KIAA0825: variants seen among roughly 807,000 people sequenced by gnomAD.
KIAA0825 encodes KIAA0825, also known as uncharacterized protein KIAA0825.
Under a neutral mutation model 147.6 loss-of-function variants are expected in KIAA0825, and 119 were observed. The observed-to-expected ratio is 0.81, with a 90% confidence interval of 0.69 to 0.94. KIAA0825 has a LOEUF of 0.94. KIAA0825 is among the 40% of genes least tolerant of loss of function. The pLI is 0.00. For missense variants in KIAA0825, 1,381 were observed against 1,472.7 expected, an observed-to-expected ratio of 0.94 and a Z score of 1.02; for synonymous variants, 470 against 518.1, an observed-to-expected ratio of 0.91 and a Z score of 1.26.
intron 20 of KIAA0825, among the ~76,000 whole-genome samples, chr5:94,202,860 CAG>C (rs2150027015): frequency 6.6e-6 from 1 of 152,306 alleles, no homozygotes; most frequent in Non-Finnish European, 1.5e-5. Context: ...CCTTGACTAA[CAG>C]AGTCTGTTGC....
intron 20 of KIAA0825, among the ~76,000 whole-genome samples, chr5:94,378,640 T>C (rs868700400): frequency 5.3e-5 from 8 of 152,274 alleles, no homozygotes; most frequent in South Asian, 2.1e-4. Flanking sequence ...GATTGCTGAA[T>C]TGAATGGTAA....
intron 6 of KIAA0825, among the ~76,000 whole-genome samples, chr5:94,481,581 A>G (rs773832096): frequency 3.9e-5 from 6 of 152,010 alleles, no homozygotes; most frequent in South Asian, 2.1e-4. Flanking sequence ...CAAATTTCCA[A>G]TGTGGAAGCC....
chr5:94,473,461 G>A lies in KIAA0825; in HGVS notation c.1286C>T (p.Ala429Val), dbSNP rs374186567. Residue 429 changes from alanine (A) to valine (V), a missense_variant, in exon 8 of 21, where the codon GCG (alanine) becomes GTG (valine). Coordinates refer to ENST00000682413, the MANE Select transcript of KIAA0825 (RefSeq NM_001145678.3). ...TTCAATTGCAGTTACTACGCAGTGC[G>A]CCATGGGAAGAGACACTTCTTTAAA... ...SAFKEVSLPM[A>V]HCVVTAIEGF... 1.3e-5 allele frequency: 20 copies of A among 1,551,636 alleles called. No individual in the cohort carries two copies. Among genetic ancestry groups the A allele is most frequent in the African/African-American group, 5.5e-5 (4 of 73,026 alleles).
At chr5:94,158,184 G>A (rs1051942522) in intron 20 of KIAA0825, among the ~76,000 whole-genome samples, 5 of 151,966 alleles carry the variant, frequency 3.3e-5, no homozygotes, top group Admixed American at 6.6e-5. Flanking sequence ...GTATAAATAT[G>A]GTCACATTGG....
At chr5:94,593,459 C>A in intron 1 of KIAA0825, 2 of 698,602 alleles carry the variant, frequency 2.9e-6, no homozygotes. Flanking sequence ...GTCAACGTTG[C>A]AAAAAGAATG....
intron 5 of KIAA0825, among the ~76,000 whole-genome samples, chr5:94,491,456 G>C (rs940053216): frequency 3.9e-5 from 6 of 152,264 alleles, no homozygotes; most frequent in African/African-American, 1.4e-4. Context: ...GATAGCAGTG[G>C]TCTGAAGAAG....
intron 1 of KIAA0825, among the ~76,000 whole-genome samples, chr5:94,608,491 A>AATATATAAAAATATAT (rs1788052388): frequency 8.2e-5 from 1 of 12,156 alleles, no homozygotes; most frequent in Non-Finnish European, 1.4e-4. Context: ...ATATATATAT[A>AATATATAAAAATATAT]ATTATATATA....
chr5:94,331,750 CA>C (rs1396090418), intron 20 of KIAA0825, among the ~76,000 whole-genome samples: 29 of 151,936 alleles, frequency 1.9e-4, no homozygotes, highest in African/African-American at 7.0e-4. Context: ...ATTATATTAA[CA>C]AGTGAAAAAA....
At chr5:94,154,295 G>A (rs1031108532) in intron 20 of KIAA0825, among the ~76,000 whole-genome samples, 171 bp from the exon 21 acceptor site, 8 of 152,294 alleles carry the variant, frequency 5.3e-5, no homozygotes, top group African/African-American at 1.9e-4. Flanking sequence ...CTGCCCCCGC[G>A]GAGTGGGCCA....
chr5:94,308,229 G>C (rs905164836), intron 20 of KIAA0825, among the ~76,000 whole-genome samples: 5 of 151,888 alleles, frequency 3.3e-5, no homozygotes, highest in Non-Finnish European at 7.4e-5. Context: ...CTCTGGTACT[G>C]TGGGGGCAGT....
chr5:94,412,347 T>G (rs1372388031), intron 15 of KIAA0825, among the ~76,000 whole-genome samples: 1 of 152,176 alleles, frequency 6.6e-6, no homozygotes, highest in Non-Finnish European at 1.5e-5. Flanking sequence ...TTTTCACACA[T>G]CATTGGCCAA....
chr5:94,510,817 T>C (rs1766372178), intron 5 of KIAA0825, among the ~76,000 whole-genome samples: 1 of 152,274 alleles, frequency 6.6e-6, no homozygotes. Context: ...TTAAAGCTGC[T>C]AGCAGTTTCT....
chr5:94,432,621 A>G (rs959568829), intron 14 of KIAA0825, among the ~76,000 whole-genome samples: 2 of 152,192 alleles, frequency 1.3e-5, no homozygotes, highest in African/African-American at 2.4e-5. Flanking sequence ...AGAGTCCTGT[A>G]GTGCAGACAT....
At chr5:94,316,209 C>A (rs1779643809) in intron 20 of KIAA0825, among the ~76,000 whole-genome samples, 1 of 151,240 alleles carries the variant, frequency 6.6e-6, no homozygotes, top group Admixed American at 6.6e-5. Context: ...AAAAGTTAAA[C>A]CTAAGACATT....
intron 20 of KIAA0825, among the ~76,000 whole-genome samples, chr5:94,225,133 A>G (rs1452550928): frequency 1.3e-5 from 2 of 152,220 alleles, no homozygotes; most frequent in African/African-American, 4.8e-5. Flanking sequence ...TTCAGTGTGC[A>G]AGACCTTAAG....
At chr5:94,163,276 C>T (rs1767739677) in intron 20 of KIAA0825, among the ~76,000 whole-genome samples, 1 of 152,154 alleles carries the variant, frequency 6.6e-6, no homozygotes, top group African/African-American at 2.4e-5. Flanking sequence ...GGTCACATAT[C>T]ACACTGGAAT....
intron 1 of KIAA0825, among the ~76,000 whole-genome samples, chr5:94,614,411 C>T (rs116262797): frequency 0.013 from 1,952 of 152,298 alleles, 41 homozygotes; most frequent in African/African-American, 0.044. Context: ...TCCTCCACCC[C>T]ATCCTAGTTA....
chr5:94,417,974 T>C (rs1753686403), intron 14 of KIAA0825, among the ~76,000 whole-genome samples: 1 of 152,166 alleles, frequency 6.6e-6, no homozygotes, highest in Non-Finnish European at 1.5e-5. Context: ...CAACCCTCCT[T>C]TGGCTCCATA....
chr5:94,467,230 A>G (rs1054131981), intron 10 of KIAA0825, among the ~76,000 whole-genome samples: 3 of 152,176 alleles, frequency 2.0e-5, no homozygotes, highest in East Asian at 1.9e-4. Flanking sequence ...TACAACTTCA[A>G]TGTATGCAAG....
Sources: allele counts gnomAD v4.1 joint callset (sites outside exome capture counted in the v4.1 genomes callset), GRCh38; gene constraint gnomAD v4.1.1; transcripts MANE v1.5; gene names NCBI Gene and HGNC (gene_info 2026-07-23, HGNC 2026-07-21).